MCMBP: variants seen among roughly 807,000 people sequenced by gnomAD.
The protein encoded by MCMBP is minichromosome maintenance complex binding protein.
A neutral mutation model predicts 81.3 loss-of-function variants in MCMBP; 31 were observed. The ratio of observed to expected loss-of-function variants is 0.38; its 90% CI spans 0.29 to 0.51. The LOEUF is 0.51. Ranked by LOEUF, MCMBP falls within the 20% of genes least tolerant of loss-of-function variation. The probability of loss-of-function intolerance (pLI) is 0.87; values close to 1 mark genes in which losing one functional copy is unlikely to be tolerated. For missense variants in MCMBP, 645 were observed against 772.1 expected (o/e 0.84, Z 1.95); for synonymous variants, 267 against 275.9 (o/e 0.97, Z 0.32).
At chr10:119,866,442 A>G (rs1853457290) in intron 1 of MCMBP, among the ~76,000 whole-genome samples, 1 of 152,206 alleles carries the variant, frequency 6.6e-6, no homozygotes, top group South Asian at 2.1e-4. Flanking sequence ...CCTGACCAAC[A>G]TGGTAAAACT....
chr10:119,833,954 T>C lies in MCMBP; in HGVS notation c.1707+1586A>G, dbSNP rs535754726. Reference sequence around the variant, plus strand: ...AAAATTCTGGAGTTGAAAAATATAGTAAAAATTCTCTAGAGGTGCTCAGAT... The same window carrying C: ...AAAATTCTGGAGTTGAAAAATATAGCAAAAATTCTCTAGAGGTGCTCAGAT... On this transcript the variant is annotated intron_variant, in intron 14 of 15. Transcript: ENST00000369077. Among the ~76,000 whole-genome samples the C allele has an allele frequency of 4.6e-5, 7 of 152,208 alleles. No individual in the cohort carries two copies. In the South Asian group the frequency reaches 1.5e-3, roughly 32 times the overall value.
chr10:119,859,013 A>C, intron 3 of MCMBP, 28 bp downstream of exon 3: 1 of 1,612,192 alleles, frequency 6.2e-7, no homozygotes, highest in Non-Finnish European at 8.5e-7. Flanking sequence ...AATTAATACC[A>C]CAAATTCATG....
intron 14 of MCMBP, 26 bp from the exon 15 acceptor site, chr10:119,832,126 G>C: frequency 1.3e-6 from 2 of 1,593,854 alleles, no homozygotes; most frequent in Non-Finnish European, 1.7e-6. Flanking sequence ...AAATGTAAAT[G>C]ATGTGCATTT....
intron 1 of MCMBP, among the ~76,000 whole-genome samples, chr10:119,870,598 T>C (rs180873858): frequency 5.3e-4 from 80 of 152,344 alleles, no homozygotes; most frequent in African/African-American, 1.9e-3. Context: ...GATCTTTCCT[T>C]TTCTGCTATA....
intron 4 of MCMBP, 37 bp from the exon 5 acceptor site, chr10:119,857,476 T>C: frequency 6.9e-7 from 1 of 1,453,194 alleles, no homozygotes; most frequent in Non-Finnish European, 9.4e-7. Context: ...AAAAATTTAC[T>C]TTAAAAAACC....
chr10:119,852,120 C>A (rs1852845830), intron 6 of MCMBP, among the ~76,000 whole-genome samples: 1 of 134,554 alleles, frequency 7.4e-6, no homozygotes, highest in East Asian at 2.3e-4. Context: ...CCACTGCAAT[C>A]CAGCCACTGC....
intron 14 of MCMBP, among the ~76,000 whole-genome samples, chr10:119,834,579 G>A (rs1852166335): frequency 6.6e-6 from 1 of 152,096 alleles, no homozygotes; most frequent in Non-Finnish European, 1.5e-5. Flanking sequence ...AATTTCGGGA[G>A]GCTAAGGAGA....
chr10:119,840,410 A>T (rs979680576), intron 11 of MCMBP, among the ~76,000 whole-genome samples: 1 of 152,234 alleles, frequency 6.6e-6, no homozygotes, highest in African/African-American at 2.4e-5. Flanking sequence ...ACTGCATTCC[A>T]GATACCCTGG....
chr10:119,841,583 G>A (rs184684094), intron 10 of MCMBP, among the ~76,000 whole-genome samples: 30 of 152,370 alleles, frequency 2.0e-4, no homozygotes, highest in Non-Finnish European at 4.0e-4. Flanking sequence ...ACACGCATCT[G>A]TGCTTAGAGT....
rs528379359 is a variant in MCMBP at position 119,859,899 on chromosome 10, T to C, written c.59-15A>G. 4 of 1,587,486 alleles carry C rather than the reference T, an allele frequency of 2.5e-6. No homozygotes were observed. The East Asian group carries it at 6.7e-5, about 27-fold the overall frequency. On this transcript the variant is annotated splice_polypyrimidine_tract_variant and intron_variant, in intron 1 of 15. Transcript: ENST00000369077. ...TCCATTTTGGGCTGAAAGAGAAATA[T>C]ACTTTTCAAAGCTAATGTACATGCA...
intron 1 of MCMBP, among the ~76,000 whole-genome samples, chr10:119,864,465 C>A (rs1240437832): frequency 6.6e-6 from 1 of 150,784 alleles, no homozygotes; most frequent in African/African-American, 2.4e-5. Flanking sequence ...GTGGTTATCT[C>A]CTCTTTCTTT....
chr10:119,838,575 G>C lies in MCMBP; in HGVS notation c.1368C>G (p.Ile456Met). 1 of 1,614,086 alleles carries C rather than the reference G, an allele frequency of 6.2e-7. No homozygotes were observed. Among genetic ancestry groups the C allele is most frequent in the Non-Finnish European group, 8.5e-7 (1 of 1,179,988 alleles). ...GCCCCTGTTCCAGGAGAGTCTCATC[G>C]ATTACAAGGGAAGTATTGCTGGGCA... ...LQLPSNTSLV[I>M]DETLLEQGQL... Residue 456 changes from isoleucine (I) to methionine (M), a missense_variant, in exon 12 of 16, where the codon ATC becomes ATG. By Grantham distance (10) the Ile-to-Met change is conservative. Coordinates refer to ENST00000369077, the MANE Select transcript of MCMBP (RefSeq NM_001256378.2).
rs1041295672 is a variant in MCMBP, at chr10:119,830,359, A to C, written c.*1115T>G. On this transcript the variant is annotated 3_prime_UTR_variant, in exon 16 of 16. Coordinates refer to ENST00000369077, the MANE Select transcript of MCMBP (RefSeq NM_001256378.2). ...CTACAGTCTGTTGTTAGTTTGCTCT[A>C]TTAAAACTAATTGGTCTGGAGAAAA... is the stretch of plus-strand genomic sequence containing the variant. 6.6e-6 allele frequency: 1 copy of C among 152,272 alleles called. No individual in the cohort carries two copies. Among genetic ancestry groups the C allele is most frequent in the African/African-American group, 2.4e-5 (1 of 41,458 alleles). 9.4% of individuals were successfully genotyped at this position (152,272 alleles called of 1,614,324 possible). A position where few individuals can be genotyped will look rare whatever the true frequency, so the allele number is the denominator to read the frequency against.
chr10:119,858,983 C>T, intron 3 of MCMBP, 58 bp from the exon 4 acceptor site: 4 of 1,610,202 alleles, frequency 2.5e-6, no homozygotes, highest in Non-Finnish European at 3.4e-6. Flanking sequence ...CCAAAACTAC[C>T]ACCAACAGTA....
intron 6 of MCMBP, among the ~76,000 whole-genome samples, chr10:119,850,874 G>GTTTTTTTTTTTTTTTTTT (rs1284100421): frequency 3.1e-4 from 41 of 130,524 alleles, no homozygotes; most frequent in South Asian, 7.2e-4. Context: ...TACAAGATCT[G>GTTTTTTTTTTTTTTTTTT]TTTTTTTTTT....
intron 4 of MCMBP, 22 bp from the exon 5 acceptor site, chr10:119,857,461 T>C (rs370463198): frequency 9.9e-6 from 15 of 1,513,126 alleles, no homozygotes; most frequent in Middle Eastern, 3.5e-4. Flanking sequence ...ATAAAAAGTG[T>C]TTTTAAAAAT....
Position 119,844,279 on chromosome 10 carries a change from AT to A in MCMBP, c.828-854del, listed in dbSNP as rs544207260. 2.0e-5 allele frequency among the ~76,000 whole-genome samples: 3 copies of A among 152,320 alleles called. No homozygotes were observed. The South Asian group carries it at 6.2e-4, about 32-fold the overall frequency. On this transcript the variant is annotated intron_variant, in intron 8 of 15. Transcript: ENST00000369077. Reference sequence around the variant, plus strand: ...TGCTAAATAAATCTGCAGATGATAGATTTGTGAGACGACCAAAACAAATAGC... The same window carrying A: ...TGCTAAATAAATCTGCAGATGATAGATTGTGAGACGACCAAAACAAATAGC...
At chr10:119,846,411 G>C (rs1852622699) in intron 8 of MCMBP, among the ~76,000 whole-genome samples, 1 of 152,132 alleles carries the variant, frequency 6.6e-6, no homozygotes. Context: ...TTAGAAAATT[G>C]CCAACAAAGT....
intron 11 of MCMBP, among the ~76,000 whole-genome samples, chr10:119,839,003 A>T (rs919323359): frequency 1.6e-4 from 25 of 152,354 alleles, no homozygotes; most frequent in Admixed American, 1.2e-3. Flanking sequence ...AAATACCCCA[A>T]AACCTAACCT....
Sources: gnomAD v4.1 joint callset for allele counts (sites outside exome capture counted in the v4.1 genomes callset) on GRCh38, gnomAD v4.1.1 for gene constraint, MANE v1.5 for transcripts, NCBI Gene and HGNC (gene_info 2026-07-23, HGNC 2026-07-21) for gene names.